The following PRKN variants were observed in gnomAD, a reference collection of about 807,000 sequenced individuals.
PRKN encodes the protein E3 ubiquitin-protein ligase parkin.
A neutral mutation model predicts 59.5 loss-of-function variants in PRKN; 56 were observed. The observed-to-expected ratio is 0.94, with a 90% CI of 0.76 to 1.18. The LOEUF (loss-of-function observed/expected upper bound fraction) is 1.18, where lower values mean the gene tolerates loss of function less well. Ranked by LOEUF, PRKN falls within the 50% of genes most tolerant of loss-of-function variation. The pLI is 0.00. For synonymous variants in PRKN, 250 were observed against 222.1 expected (o/e 1.13, Z -1.12); for missense variants, 657 against 596.4 (o/e 1.10, Z -1.06).
intron 1 of PRKN, among the ~76,000 whole-genome samples, chr6:162,539,495 A>G (rs1344187164): frequency 2.6e-5 from 4 of 152,166 alleles, no homozygotes; most frequent in African/African-American, 4.8e-5. Context: ...ACAGGAAAAA[A>G]TATTAAGAGA....
chr6:162,220,470 T>C (rs1562590936), intron 3 of PRKN, among the ~76,000 whole-genome samples: 2 of 151,948 alleles, frequency 1.3e-5, no homozygotes, highest in Non-Finnish European at 2.9e-5. Context: ...ATTTTCAACA[T>C]AAACGTAAAA....
intron 6 of PRKN, among the ~76,000 whole-genome samples, chr6:161,929,203 G>GA (rs1376759682): frequency 6.6e-6 from 1 of 151,956 alleles, no homozygotes; most frequent in African/African-American, 2.4e-5. Context: ...TATGCTAAAT[G>GA]AAAAAAACAC....
chr6:162,109,438 G>C (rs1402811779), intron 4 of PRKN, among the ~76,000 whole-genome samples: 1 of 152,202 alleles, frequency 6.6e-6, no homozygotes, highest in Non-Finnish European at 1.5e-5. Context: ...CTTTATACAA[G>C]TAATAATGAG....
intron 2 of PRKN, among the ~76,000 whole-genome samples, chr6:162,415,816 A>AG (rs2128157082): frequency 6.6e-6 from 1 of 152,238 alleles, no homozygotes; most frequent in East Asian, 1.9e-4. Context: ...ACTGTCTCAA[A>AG]AAAAGTTAAG....
intron 5 of PRKN, among the ~76,000 whole-genome samples, chr6:162,016,891 C>A (rs1782953746): frequency 6.6e-6 from 1 of 152,054 alleles, no homozygotes; most frequent in Non-Finnish European, 1.5e-5. Context: ...AGGGGATGGG[C>A]AGGATGGATG....
At chr6:162,215,153 G>A (rs143247646) in intron 3 of PRKN, among the ~76,000 whole-genome samples, 69 of 152,168 alleles carry the variant, frequency 4.5e-4, no homozygotes, top group African/African-American at 1.6e-3. Context: ...CTTAGGGGTC[G>A]TAAGCTACAT....
At chr6:162,022,189 T>C (rs554276551) in intron 5 of PRKN, among the ~76,000 whole-genome samples, 25 of 152,310 alleles carry the variant, frequency 1.6e-4, no homozygotes, top group Admixed American at 8.5e-4. Flanking sequence ...TTTCTTTTCC[T>C]TTGGGTAGTT....
Position 161,390,374 on chromosome 6 carries a change from T to C in PRKN, c.1084-3497A>G, listed in dbSNP as rs958146133. On this transcript the variant is annotated intron_variant, in intron 9 of 11. Coordinates refer to ENST00000366898, the MANE Select transcript of PRKN (RefSeq NM_004562.3). The surrounding 1 kb of genome is among the most constrained non-coding windows in gnomAD (Gnocchi z 7.0). Reference sequence around the variant, plus strand: ...AGGTAGTTCCCAGTGTTAATGTAGATTGTGCTATTTTCCTTTTGGTGACAT... The same window carrying C: ...AGGTAGTTCCCAGTGTTAATGTAGACTGTGCTATTTTCCTTTTGGTGACAT... Among the ~76,000 whole-genome samples, 5 of 152,232 alleles carry C rather than the reference T, an allele frequency of 3.3e-5. No individual in the cohort carries two copies. Among genetic ancestry groups the C allele is most frequent in the Non-Finnish European group, 7.3e-5 (5 of 68,032 alleles).
At chr6:161,431,309 C>G (rs1205096158) in intron 9 of PRKN, among the ~76,000 whole-genome samples, 2 of 151,824 alleles carry the variant, frequency 1.3e-5, no homozygotes, top group Non-Finnish European at 2.9e-5. Flanking sequence ...ATTAAATAGT[C>G]TTTCAAACAT....
At chr6:162,543,066 G>T (rs560044490) in intron 1 of PRKN, among the ~76,000 whole-genome samples, 11 of 152,110 alleles carry the variant, frequency 7.2e-5, no homozygotes, top group Non-Finnish European at 1.6e-4. Context: ...ACAGTCAGTT[G>T]GTGTCCCCTG....
chr6:161,528,633 C>T (rs1418646857), intron 9 of PRKN, among the ~76,000 whole-genome samples: 1 of 152,144 alleles, frequency 6.6e-6, no homozygotes, highest in South Asian at 2.1e-4. Context: ...ATACTTTTAA[C>T]GTCTGATTGC....
intron 7 of PRKN, among the ~76,000 whole-genome samples, chr6:161,650,058 C>T (rs959943981): frequency 3.3e-5 from 5 of 152,272 alleles, no homozygotes; most frequent in African/African-American, 4.8e-5. Context: ...ACTGTGATGA[C>T]GCCCAGATCA....
At chr6:162,201,346 ACT>A (rs1784723451) in intron 3 of PRKN, 94 bp from the exon 4 acceptor site, 1 of 1,165,484 alleles carries the variant, frequency 8.6e-7, no homozygotes, top group South Asian at 1.2e-5. Flanking sequence ...AAATTTTAAA[ACT>A]CAGTCTTCAG....
In PRKN at chr6:161,440,888, A is replaced by G. The variant is rs1482471524; in HGVS notation, c.1084-54011T>C. ...ATACAAATAAGAGTCTAATGTGATA[A>G]GAGGCTGAACTGAAGGTGTCCCTAG... On this transcript the variant is annotated intron_variant, in intron 9 of 11. Transcript: ENST00000366898. The surrounding 1 kb of genome is among the most constrained non-coding windows in gnomAD (Gnocchi z 4.1). Among the ~76,000 whole-genome samples, 2 of 152,328 alleles carry G rather than the reference A, an allele frequency of 1.3e-5. No individual in the cohort carries two copies. The highest frequency in any genetic ancestry group is 6.8e-3 in the Middle Eastern group (2 of 294).
intron 4 of PRKN, among the ~76,000 whole-genome samples, chr6:162,120,184 T>G (rs1780847228): frequency 6.6e-6 from 1 of 152,154 alleles, no homozygotes; most frequent in African/African-American, 2.4e-5. Context: ...TATATTTTTT[T>G]GCAGAGACAA....
chr6:162,009,732 G>A (rs760535290), intron 5 of PRKN, among the ~76,000 whole-genome samples: 5 of 151,530 alleles, frequency 3.3e-5, no homozygotes, highest in Non-Finnish European at 5.9e-5. Context: ...AGTCAGGAGT[G>A]TGAAACGAGC....
chr6:161,956,269 G>A (rs1780166386), intron 6 of PRKN, among the ~76,000 whole-genome samples: 1 of 152,156 alleles, frequency 6.6e-6, no homozygotes, highest in Non-Finnish European at 1.5e-5. Flanking sequence ...CTGTTCCATG[G>A]AAAATGTTCA....
chr6:161,760,863 G>A (rs1046884607), intron 7 of PRKN, among the ~76,000 whole-genome samples: 5 of 152,244 alleles, frequency 3.3e-5, no homozygotes, highest in East Asian at 1.9e-4. Flanking sequence ...GCCTACACCC[G>A]CACATATCTA....
At position 161,417,903 on chromosome 6, in the gene PRKN, C is replaced by T. The variant is rs941468972; in HGVS notation, c.1084-31026G>A. ...TCCTACTTTCCACTCCAAACCTAGA[C>T]GCAGACTCAGTGGCCCACCCAGGGG... On this transcript the variant is annotated intron_variant, in intron 9 of 11. Transcript: ENST00000366898. The surrounding 1 kb of genome is among the most constrained non-coding windows in gnomAD (Gnocchi z 5.4). Among the ~76,000 whole-genome samples the T allele has an allele frequency of 2.6e-5, 4 of 152,188 alleles. No homozygotes were observed. Among genetic ancestry groups the T allele is most frequent in the Admixed American group, 6.5e-5 (1 of 15,282 alleles).
Sources: gnomAD v4.1 joint callset for allele counts (sites outside exome capture counted in the v4.1 genomes callset) on GRCh38, gnomAD v4.1.1 for gene constraint, Gnocchi (gnomAD v3.1) non-coding constraint, MANE v1.5 for transcripts, NCBI Gene and HGNC (gene_info 2026-07-23, HGNC 2026-07-21) for gene names.